CNBD1: variants seen among roughly 807,000 people sequenced by gnomAD.
CNBD1 encodes cyclic nucleotide binding domain containing 1.
CNBD1 carries 71 observed loss-of-function variants against 54.4 expected under a neutral mutation model. The observed-to-expected ratio is 1.30, with a 90% CI of 1.08 to 1.59. The LOEUF is 1.59. Among genes scored for constraint, CNBD1 ranks in the 40% most tolerant of loss-of-function variants. CNBD1 has a pLI of 0.00. For missense variants in CNBD1, 659 were observed against 518.0 expected (o/e 1.27, Z -2.64); for synonymous variants, 182 against 170.7 (o/e 1.07, Z -0.51).
chr8:87,100,175 C>T (rs368508838), intron 4 of CNBD1, among the ~76,000 whole-genome samples: 3 of 152,098 alleles, frequency 2.0e-5, no homozygotes, highest in East Asian at 3.9e-4. Flanking sequence ...AATTTGGGGC[C>T]GTTGGTGATG....
At chr8:87,354,242 A>G (rs1306455613) in intron 10 of CNBD1, among the ~76,000 whole-genome samples, 4 of 150,464 alleles carry the variant, frequency 2.7e-5, no homozygotes, top group African/African-American at 7.3e-5. Flanking sequence ...AATAATAGCA[A>G]TAATAATATT....
At chr8:87,304,469 C>T (rs1326796127) in intron 8 of CNBD1, among the ~76,000 whole-genome samples, 3 of 151,816 alleles carry the variant, frequency 2.0e-5, no homozygotes, top group Admixed American at 6.6e-5. Context: ...GGGAACATCA[C>T]ACACCAGGGC....
chr8:87,090,234 A>G (rs1156904906), intron 4 of CNBD1, among the ~76,000 whole-genome samples: 1 of 152,210 alleles, frequency 6.6e-6, no homozygotes, highest in Admixed American at 6.5e-5. Context: ...CACGTTTTAT[A>G]AAGATTCAAA....
chr8:87,070,469 C>T (rs148848718), intron 4 of CNBD1, among the ~76,000 whole-genome samples: 3 of 152,178 alleles, frequency 2.0e-5, no homozygotes, highest in African/African-American at 7.2e-5. Flanking sequence ...ATGCCTGTTA[C>T]TACTCAAAAA....
chr8:87,200,237 C>T lies in CNBD1; in HGVS notation c.432-5756C>T, dbSNP rs542253552. ...TCCCAACCTGAGGGAAACTGTTAAT[C>T]TACTCACAGAAGAAATCAGTGAACT... On this transcript the variant is annotated intron_variant, in intron 4 of 10. Coordinates refer to ENST00000518476, the MANE Select transcript of CNBD1 (RefSeq NM_173538.3). Among the ~76,000 whole-genome samples the T allele has an allele frequency of 4.6e-5, 7 of 152,052 alleles. No individual in the cohort carries two copies. The South Asian group carries it at 1.2e-3, about 27-fold the overall frequency.
At chr8:87,018,738 T>A (rs1188952254) in intron 4 of CNBD1, among the ~76,000 whole-genome samples, 1 of 152,138 alleles carries the variant, frequency 6.6e-6, no homozygotes, top group African/African-American at 2.4e-5. Flanking sequence ...CTGCTAATGC[T>A]CTGTTGCTAA....
rs201387698 is a variant in CNBD1, at chr8:87,148,626, G to A, written c.432-57367G>A. ...ATGTTTAATTTAACTATGGAACACA[G>A]AGCTCCTGGGGAGAGCACTGACAGG... On this transcript the variant is annotated intron_variant, in intron 4 of 10. Transcript: ENST00000518476. Among the ~76,000 whole-genome samples, 1,184 of 152,150 alleles carry A rather than the reference G, an allele frequency of 7.8e-3. 14 individuals carry two copies. Among genetic ancestry groups the A allele is most frequent in the African/African-American group, 0.027 (1,101 of 41,496 alleles).
intron 4 of CNBD1, among the ~76,000 whole-genome samples, chr8:87,100,563 C>T (rs1477731324): frequency 6.6e-6 from 1 of 152,100 alleles, no homozygotes. Context: ...ACTGCAGCCT[C>T]CACCTCCCAA....
At chr8:87,370,385 C>T (rs533724542) in intron 10 of CNBD1, among the ~76,000 whole-genome samples, 3 of 152,060 alleles carry the variant, frequency 2.0e-5, no homozygotes, top group African/African-American at 7.2e-5. Context: ...CTCTCCAGCA[C>T]CTGTTGTTTC....
intron 6 of CNBD1, among the ~76,000 whole-genome samples, chr8:87,261,713 C>A (rs989133938): frequency 6.6e-6 from 1 of 152,092 alleles, no homozygotes. Flanking sequence ...CAGGTGCCTA[C>A]TTCTAAGTTA....
chr8:87,383,774 T>G (rs1432684283), downstream of CNBD1, among the ~76,000 whole-genome samples: 1 of 152,142 alleles, frequency 6.6e-6, no homozygotes, highest in African/African-American at 2.4e-5. Context: ...GTATTAACTT[T>G]GTTTTAAGGA....
rs1218484130 is a variant in CNBD1, at chr8:87,156,287, C to G, written c.432-49706C>G. On this transcript the variant is annotated intron_variant, in intron 4 of 10. Transcript: ENST00000518476. ...CACACACATATGTCACTCTGTCACC[C>G]AGGCTGGAGTGTGCTGCTATGATCT... 2.3e-4 allele frequency among the ~76,000 whole-genome samples: 11 copies of G among 48,198 alleles called. 3 individuals are homozygous for G. The highest frequency in any genetic ancestry group is 4.6e-4 in the Non-Finnish European group (11 of 23,978). 31.6% of individuals were successfully genotyped at this position (48,198 alleles called of 152,430 possible).
At chr8:86,990,084 A>G (rs1347903335) in intron 4 of CNBD1, among the ~76,000 whole-genome samples, 1 of 152,146 alleles carries the variant, frequency 6.6e-6, no homozygotes, top group Non-Finnish European at 1.5e-5. Context: ...AGTTTCTTAT[A>G]TATTTTGGTT....
chr8:87,040,206 A>G (rs1413999193), intron 4 of CNBD1, among the ~76,000 whole-genome samples: 1 of 152,170 alleles, frequency 6.6e-6, no homozygotes, highest in Non-Finnish European at 1.5e-5. Context: ...ACAGATTGTT[A>G]CTGTCTTTGT....
chr8:87,035,457 T>C (rs1343326357), intron 4 of CNBD1, among the ~76,000 whole-genome samples: 1 of 152,240 alleles, frequency 6.6e-6, no homozygotes, highest in African/African-American at 2.4e-5. Context: ...TAACAAACTT[T>C]CTTAAACTTT....
At chr8:87,347,516 A>G (rs1352259223) in intron 8 of CNBD1, among the ~76,000 whole-genome samples, 2 of 150,636 alleles carry the variant, frequency 1.3e-5, no homozygotes, top group African/African-American at 5.0e-5. Context: ...ATAAGCAATA[A>G]ACAAATCAAT....
intron 4 of CNBD1, among the ~76,000 whole-genome samples, chr8:87,029,545 C>G (rs978376204): frequency 1.3e-5 from 2 of 151,884 alleles, no homozygotes; most frequent in Admixed American, 6.6e-5. Flanking sequence ...GTAATAAAAT[C>G]TAAAATTGAT....
chr8:87,409,717 A>G (rs1392391250), intron 2 of CNBD1, among the ~76,000 whole-genome samples: 1 of 152,112 alleles, frequency 6.6e-6, no homozygotes, highest in African/African-American at 2.4e-5. Context: ...CAGGGGCTTA[A>G]GAATTAAGCT....
intron 2 of CNBD1, among the ~76,000 whole-genome samples, chr8:87,414,457 G>T (rs1241562514): frequency 6.6e-6 from 1 of 151,986 alleles, no homozygotes; most frequent in African/African-American, 2.4e-5. Flanking sequence ...CACCAACATG[G>T]CACATGTATA....
Sources: allele counts gnomAD v4.1 joint callset (sites outside exome capture counted in the v4.1 genomes callset), GRCh38; gene constraint gnomAD v4.1.1; transcripts MANE v1.5; gene names NCBI Gene and HGNC (gene_info 2026-07-23, HGNC 2026-07-21).